The following SYNDIG1 variants were observed in gnomAD, a reference collection of about 807,000 sequenced individuals.
The protein encoded by SYNDIG1 is synapse differentiation inducing 1, also known as synapse differentiation-inducing gene protein 1.
In SYNDIG1, 9 loss-of-function variants were observed where a neutral mutation model predicts 19.4. The observed-to-expected ratio is 0.46, with a 90% CI of 0.28 to 0.81. SYNDIG1 has a LOEUF of 0.81. SYNDIG1 is among the 30% of genes least tolerant of loss of function. SYNDIG1 has a pLI of 0.12. For missense variants in SYNDIG1, 311 were observed against 343.3 expected, an observed-to-expected ratio of 0.91 and a Z score of 0.74; for synonymous variants, 141 against 145.9, an observed-to-expected ratio of 0.97 and a Z score of 0.24.
intron 1 of SYNDIG1, among the ~76,000 whole-genome samples, chr20:24,474,508 T>C (rs1396960611): frequency 6.6e-6 from 1 of 152,226 alleles, no homozygotes; most frequent in African/African-American, 2.4e-5. Flanking sequence ...CTTGCCTGTT[T>C]AGTCGCATAA....
At chr20:24,517,805 T>A (rs9679924) in intron 1 of SYNDIG1, among the ~76,000 whole-genome samples, 81,886 of 142,928 alleles carry the variant, frequency 0.57, 24,193 homozygotes, top group East Asian at 0.73. Flanking sequence ...AAAATATTTT[T>A]TATATATATA....
At chr20:24,643,065 A>G (rs1385279420) in intron 3 of SYNDIG1, among the ~76,000 whole-genome samples, 4 of 152,114 alleles carry the variant, frequency 2.6e-5, no homozygotes, top group Non-Finnish European at 5.9e-5. Flanking sequence ...TTCTATATGC[A>G]TAATTATTTA....
rs1233064928 is a variant in SYNDIG1, at chr20:24,543,645, C to G, written c.480+68C>G. The G allele has an allele frequency of 1.9e-6, 3 of 1,545,016 alleles. No individual in the cohort carries two copies. The African/African-American group carries it at 4.1e-5, about 21-fold the overall frequency. On this transcript the variant is annotated intron_variant, in intron 2 of 3. Coordinates refer to ENST00000376862, the MANE Select transcript of SYNDIG1 (RefSeq NM_024893.3). ...TGGGGATTCTAGGGAGGGCAGGAGC[C>G]ATGAATGCCTGGCAAAAGTTAGGGA... is the stretch of plus-strand genomic sequence containing the variant.
intron 1 of SYNDIG1, among the ~76,000 whole-genome samples, chr20:24,515,114 A>C (rs1303834444): frequency 6.6e-6 from 1 of 152,250 alleles, no homozygotes; most frequent in Non-Finnish European, 1.5e-5. Context: ...TCTCTGGGAC[A>C]CATTTAAAAC....
rs540972893 is a variant in SYNDIG1 at position 24,586,835 on chromosome 20, G to T, written c.618+1842G>T. Among the ~76,000 whole-genome samples the T allele has an allele frequency of 5.3e-5, 8 of 152,340 alleles. No homozygotes were observed. In the South Asian group the frequency reaches 1.7e-3, roughly 32 times the overall value. ...TGGCCAAAGGAGAGACCAGTCCTTT[G>T]TGGTGTCCGTGGTCTCTGCTGCTCC... is the stretch of plus-strand genomic sequence containing the variant. On this transcript the variant is annotated intron_variant, in intron 3 of 3. Transcript: ENST00000376862.
At chr20:24,504,426 C>G (rs2056536516) in intron 1 of SYNDIG1, among the ~76,000 whole-genome samples, 1 of 152,108 alleles carries the variant, frequency 6.6e-6, no homozygotes, top group African/African-American at 2.4e-5. Flanking sequence ...GGAAAGAAAA[C>G]AGGGAAAGAC....
At position 24,658,219 on chromosome 20, in the gene SYNDIG1, G is replaced by A. The variant is rs1263037506; in HGVS notation, c.619-7127G>A. On this transcript the variant is annotated intron_variant, in intron 3 of 3. Coordinates refer to ENST00000376862, the MANE Select transcript of SYNDIG1 (RefSeq NM_024893.3). The surrounding 1 kb of genome is among the most constrained non-coding windows in gnomAD (Gnocchi z 4.4). The stretch of plus-strand genomic sequence containing the variant: ...AAAAGCTCATTGGAAACTCCATGAA[G>A]AGCGAAGAGAAATGGCAGCCTGTGG... 6.6e-6 allele frequency among the ~76,000 whole-genome samples: 1 copy of A among 152,200 alleles called. No homozygotes were observed. The highest frequency in any genetic ancestry group is 1.5e-5 in the Non-Finnish European group (1 of 68,032).
intron 1 of SYNDIG1, among the ~76,000 whole-genome samples, chr20:24,515,603 A>G (rs2056844702): frequency 6.6e-6 from 1 of 151,854 alleles, no homozygotes; most frequent in South Asian, 2.1e-4. Context: ...TTCAAAGAGA[A>G]TAAAATACCT....
At chr20:24,646,457 T>G (rs1055526157) in intron 3 of SYNDIG1, among the ~76,000 whole-genome samples, 1 of 152,196 alleles carries the variant, frequency 6.6e-6, no homozygotes, top group African/African-American at 2.4e-5. Flanking sequence ...GAGGGAGCTC[T>G]GTCTCTATTA....
In SYNDIG1 at chr20:24,590,492, C is replaced by T. The variant is rs2058492092; in HGVS notation, c.618+5499C>T. On this transcript the variant is annotated intron_variant, in intron 3 of 3. Coordinates refer to ENST00000376862, the MANE Select transcript of SYNDIG1 (RefSeq NM_024893.3). ...TCAGAGAACAGGGCGGAGGGGGAGG[C>T]GCAGGGCGACGACGGCAGTGGTCAA... is the stretch of plus-strand genomic sequence containing the variant. Among the ~76,000 whole-genome samples the T allele has an allele frequency of 2.0e-5, 3 of 152,056 alleles. No homozygotes were observed. The South Asian group carries it at 6.2e-4, about 32-fold the overall frequency.
At chr20:24,640,872 G>T (rs530756317) in intron 3 of SYNDIG1, among the ~76,000 whole-genome samples, 1 of 152,152 alleles carries the variant, frequency 6.6e-6, no homozygotes, top group Non-Finnish European at 1.5e-5. Context: ...GGGAGATGGC[G>T]CACATGGAGG....
intron 3 of SYNDIG1, among the ~76,000 whole-genome samples, chr20:24,623,776 A>G (rs1038931410): frequency 1.3e-5 from 2 of 152,240 alleles, no homozygotes; most frequent in Non-Finnish European, 2.9e-5. Flanking sequence ...AGTATAAATA[A>G]TAAGTCAGTA....
intron 2 of SYNDIG1, among the ~76,000 whole-genome samples, chr20:24,573,378 A>C (rs1600658935): frequency 6.6e-6 from 1 of 151,620 alleles, no homozygotes; most frequent in African/African-American, 2.4e-5. Flanking sequence ...TGTGATGCCC[A>C]CTCCCTACCC....
intron 3 of SYNDIG1, among the ~76,000 whole-genome samples, chr20:24,603,239 C>T (rs1049822192): frequency 1.3e-5 from 2 of 151,948 alleles, no homozygotes; most frequent in Admixed American, 6.6e-5. Flanking sequence ...AAAAAGTGTC[C>T]GGAGTTGGGA....
rs193041445 is a variant in SYNDIG1 at position 24,618,303 on chromosome 20, G to T, written c.618+33310G>T. Among the ~76,000 whole-genome samples, 203 of 148,326 alleles carry T rather than the reference G, an allele frequency of 1.4e-3. 2 individuals are homozygous for T. Among genetic ancestry groups the T allele is most frequent in the South Asian group, 2.4e-3 (11 of 4,596 alleles). On this transcript the variant is annotated intron_variant, in intron 3 of 3. Coordinates refer to ENST00000376862, the MANE Select transcript of SYNDIG1 (RefSeq NM_024893.3). ...GGTCCTGAGGGACAGCCCAGGGAAG[G>T]GGGAGAGCCCAGTGAGGGCAGAGAG...
At chr20:24,485,121 G>A (rs1358910000) in intron 1 of SYNDIG1, among the ~76,000 whole-genome samples, 3 of 152,180 alleles carry the variant, frequency 2.0e-5, no homozygotes, top group African/African-American at 7.2e-5. Context: ...AGAAGCCGGG[G>A]CCATGGCCTT....
chr20:24,512,942 AT>A (rs1655588435), intron 1 of SYNDIG1, among the ~76,000 whole-genome samples: 1 of 152,036 alleles, frequency 6.6e-6, no homozygotes, highest in Non-Finnish European at 1.5e-5. Context: ...CAGAGGAACA[AT>A]CAGGAAGCAA....
At chr20:24,567,036 G>T (rs1406543800) in intron 2 of SYNDIG1, among the ~76,000 whole-genome samples, 3 of 152,176 alleles carry the variant, frequency 2.0e-5, no homozygotes, top group African/African-American at 7.2e-5. Context: ...GAAGCCCCAA[G>T]ATCACACCTG....
At chr20:24,578,159 C>T (rs1167599527) in intron 2 of SYNDIG1, among the ~76,000 whole-genome samples, 11 of 152,060 alleles carry the variant, frequency 7.2e-5, no homozygotes, top group African/African-American at 1.7e-4. Context: ...GGAAGGGAGT[C>T]GGGATGGGCA....
Sources: allele counts gnomAD v4.1 joint callset (sites outside exome capture counted in the v4.1 genomes callset), GRCh38; gene constraint gnomAD v4.1.1; non-coding constraint Gnocchi (gnomAD v3.1); transcripts MANE v1.5; gene names NCBI Gene and HGNC (gene_info 2026-07-23, HGNC 2026-07-21).